DNAH7: variants seen among roughly 807,000 people sequenced by gnomAD.
DNAH7 encodes the protein axonemal beta dynein heavy chain 7.
A neutral mutation model predicts 444.6 loss-of-function variants in DNAH7; 397 were observed. That is an observed-to-expected ratio of 0.89 (90% CI 0.82 to 0.97). The LOEUF (loss-of-function observed/expected upper bound fraction) is 0.97. Ranked by LOEUF, DNAH7 falls within the 50% of genes least tolerant of loss-of-function variation. The pLI is 0.00. For missense variants in DNAH7, 4,902 were observed against 4,800.8 expected, an observed-to-expected ratio of 1.02 and a Z score of -0.62; for synonymous variants, 1,636 against 1,624.4, an observed-to-expected ratio of 1.01 and a Z score of -0.17.
chr2:195,927,353 C>T (rs1211555998), intron 21 of DNAH7, among the ~76,000 whole-genome samples: 1 of 151,944 alleles, frequency 6.6e-6, no homozygotes, highest in Non-Finnish European at 1.5e-5. Flanking sequence ...GATGGTTAAA[C>T]CACTCTGGAT....
intron 48 of DNAH7, among the ~76,000 whole-genome samples, chr2:195,828,603 T>TAC (rs1697901646): frequency 2.0e-5 from 2 of 102,488 alleles, no homozygotes; most frequent in East Asian, 6.8e-4. Context: ...CATATATATA[T>TAC]ATATATATTT....
chr2:195,979,966 T>G (rs1430615191), intron 15 of DNAH7, among the ~76,000 whole-genome samples: 2 of 139,964 alleles, frequency 1.4e-5, no homozygotes, highest in Non-Finnish European at 3.0e-5. Context: ...AGTAACAAGA[T>G]CAAATCCATA....
intron 32 of DNAH7, 99 bp downstream of exon 32, chr2:195,888,700 T>C: frequency 8.0e-7 from 1 of 1,252,854 alleles, no homozygotes; most frequent in South Asian, 1.6e-5. Context: ...TAAAAGAAAT[T>C]CTGCTAATAT....
intron 10 of DNAH7, among the ~76,000 whole-genome samples, chr2:196,007,555 C>G (rs1694452779): frequency 6.6e-6 from 1 of 152,146 alleles, no homozygotes; most frequent in Admixed American, 6.5e-5. Flanking sequence ...TTGGCTGTGT[C>G]TCCACCCAAA....
chr2:195,872,599 CAT>C (rs1202341479), intron 39 of DNAH7, 130 bp from the exon 40 acceptor site: 8 of 496,058 alleles, frequency 1.6e-5, no homozygotes, highest in Non-Finnish European at 2.7e-5. Context: ...ATAAAATTAC[CAT>C]ATCTTATTAT....
intron 31 of DNAH7, 116 bp from the exon 32 acceptor site, chr2:195,889,097 T>A: frequency 3.0e-6 from 3 of 1,004,582 alleles, no homozygotes; most frequent in Non-Finnish European, 4.3e-6. Flanking sequence ...AATTTCATCA[T>A]GAAAACGTAA....
At chr2:196,044,130 T>C (rs573532195) in intron 5 of DNAH7, among the ~76,000 whole-genome samples, 4 of 151,758 alleles carry the variant, frequency 2.6e-5, no homozygotes, top group South Asian at 4.2e-4. Context: ...AAATTCACAA[T>C]TGTAAAAATA....
intron 36 of DNAH7, among the ~76,000 whole-genome samples, chr2:195,878,377 C>T (rs1701176808): frequency 6.6e-6 from 1 of 152,066 alleles, no homozygotes; most frequent in Admixed American, 6.6e-5. Flanking sequence ...GAGGCCAAGT[C>T]AGGAGGATTG....
chr2:195,930,509 A>C (rs1325555778), intron 21 of DNAH7, among the ~76,000 whole-genome samples: 2 of 152,174 alleles, frequency 1.3e-5, no homozygotes, highest in Non-Finnish European at 2.9e-5. Flanking sequence ...GGCTATTACT[A>C]AAAAGTCAAA....
chr2:195,782,726 T>C (rs1695448186), intron 58 of DNAH7, among the ~76,000 whole-genome samples: 1 of 152,200 alleles, frequency 6.6e-6, no homozygotes, highest in Non-Finnish European at 1.5e-5. Flanking sequence ...CTCCAGCATT[T>C]AACAGGATGA....
chr2:195,794,491 C>T lies in DNAH7; in HGVS notation c.10563G>A (p.Thr3521=), dbSNP rs774631313. The change falls in exon 57 of 65, where the codon ACG becomes ACA. Residue 3521 remains threonine (T), a synonymous_variant. Transcript: ENST00000312428. ...CAGGGAAATTTGGAGATGGGTAACT[C>T]GTTAGCCACATTCGGAAATCTGGAT... The part of the protein sequence containing the change: ...STHPDFRMWL[T]SYPSPNFPVS... 5 of 1,614,098 alleles carry T rather than the reference C, an allele frequency of 3.1e-6. No individual in the cohort carries two copies. The highest frequency in any genetic ancestry group is 3.4e-6 in the Non-Finnish European group (4 of 1,179,994).
rs757133984 is a variant in DNAH7, at chr2:196,051,197, T to C, written c.131A>G (p.Gln44Arg). 6.2e-7 allele frequency: 1 copy of C among 1,613,758 alleles called. No homozygotes were observed. The highest frequency in any genetic ancestry group is 8.5e-7 in the Non-Finnish European group (1 of 1,179,732). Reference sequence around the variant, plus strand: ...ATTTGGATAAGTTACCATAGACAGCTGTGGTAAAGCTCTTGCTGGTGCCTT... The same window carrying C: ...ATTTGGATAAGTTACCATAGACAGCCGTGGTAAAGCTCTTGCTGGTGCCTT... ...KFKAPARALP[Q>R]LSMVSTKPHW... is the part of the protein sequence containing the mutation. The change falls in exon 3 of 65, where the codon CAG (glutamine) becomes CGG (arginine). Residue 44 changes from glutamine (Q) to arginine (R), a missense_variant. Transcript: ENST00000312428.
At chr2:195,812,194 A>G (rs1208850850) in intron 51 of DNAH7, among the ~76,000 whole-genome samples, 3 of 151,928 alleles carry the variant, frequency 2.0e-5, no homozygotes, top group Non-Finnish European at 4.4e-5. Context: ...CCTCCTCCCT[A>G]ACGCCCTGCC....
At chr2:196,005,833 A>G (rs544937086) in intron 10 of DNAH7, among the ~76,000 whole-genome samples, 1 of 152,254 alleles carries the variant, frequency 6.6e-6, no homozygotes, top group East Asian at 1.9e-4. Context: ...TAAAGAATTC[A>G]CTAACCAAAA....
chr2:196,057,316 A>G (rs895512155), intron 2 of DNAH7, among the ~76,000 whole-genome samples: 1 of 152,222 alleles, frequency 6.6e-6, no homozygotes, highest in Non-Finnish European at 1.5e-5. Flanking sequence ...AGATTATTCA[A>G]CTCAGCCACT....
At chr2:195,851,683 T>A (rs998260323) in intron 46 of DNAH7, among the ~76,000 whole-genome samples, 1 of 152,132 alleles carries the variant, frequency 6.6e-6, no homozygotes, top group Admixed American at 6.5e-5. Context: ...GGATGGTACA[T>A]CTAGCTCTCC....
chr2:195,926,932 T>A (rs1688370931), intron 21 of DNAH7, among the ~76,000 whole-genome samples: 1 of 151,964 alleles, frequency 6.6e-6, no homozygotes, highest in South Asian at 2.1e-4. Flanking sequence ...CAAAATGAGA[T>A]CCATCAAATT....
At chr2:195,957,237 AT>A in intron 19 of DNAH7, 23 bp downstream of exon 19, 2 of 1,456,858 alleles carry the variant, frequency 1.4e-6, no homozygotes, top group Admixed American at 2.2e-5. Context: ...AAATAATGAC[AT>A]TTTTGGAGAT....
At chr2:195,834,039 T>G (rs1411930156) in intron 48 of DNAH7, among the ~76,000 whole-genome samples, 167 bp downstream of exon 48, 1 of 152,176 alleles carries the variant, frequency 6.6e-6, no homozygotes, top group African/African-American at 2.4e-5. Flanking sequence ...AAACCTCATC[T>G]CTACAAAAAA....
Sources: allele counts gnomAD v4.1 joint callset (sites outside exome capture counted in the v4.1 genomes callset), GRCh38; gene constraint gnomAD v4.1.1; transcripts MANE v1.5; gene names NCBI Gene and HGNC (gene_info 2026-07-23, HGNC 2026-07-21).